The following DDX52 variants were observed in gnomAD, a reference collection of about 807,000 sequenced individuals.
DDX52 encodes the protein DExD-box helicase 52, also known as probable ATP-dependent RNA helicase DDX52.
In DDX52, 59 loss-of-function variants were observed where a neutral mutation model predicts 76.1. The ratio of observed to expected loss-of-function variants is 0.78; its 90% CI spans 0.63 to 0.96. The LOEUF is 0.96. DDX52 is among the 40% of genes least tolerant of loss of function. The pLI, the probability that DDX52 is intolerant of heterozygous loss-of-function variation, is 0.00. For missense variants in DDX52, 707 were observed against 703.9 expected, an observed-to-expected ratio of 1.00 and a Z score of -0.05; for synonymous variants, 231 against 244.1, an observed-to-expected ratio of 0.95 and a Z score of 0.50.
chr17:37,640,394 GT>G (rs2031130678), intron 2 of DDX52, among the ~76,000 whole-genome samples: 1 of 152,064 alleles, frequency 6.6e-6, no homozygotes, highest in Non-Finnish European at 1.5e-5. Context: ...AGTAGCAGAG[GT>G]TCCCAACAGA....
At position 37,632,144 on chromosome 17, in the gene DDX52, A is replaced by T. The variant is rs1262000570; in HGVS notation, c.572T>A (p.Ile191Asn). ...CATAACTGGGATGGCTTGCATTTGG[A>T]TTGGCGTAGGCATTTGGAAACCTGC... ...LDAGFQMPTP[I>N]QMQAIPVMLH... The change falls in exon 4 of 15, where the codon ATC becomes AAC. Residue 191 changes from isoleucine (I) to asparagine (N), a missense_variant. Transcript: ENST00000617633. The T allele has an allele frequency of 6.2e-7, 1 of 1,613,100 alleles. No homozygotes were observed. Among genetic ancestry groups the T allele is most frequent in the Admixed American group, 1.7e-5 (1 of 59,790 alleles).
intron 14 of DDX52, chr17:37,615,085 G>A (rs913588414): frequency 6.6e-6 from 1 of 152,262 alleles, no homozygotes; most frequent in African/African-American, 2.4e-5. Context: ...TAGGCAGCAA[G>A]GATTCAGGTT....
intron 14 of DDX52, among the ~76,000 whole-genome samples, chr17:37,617,020 T>C (rs1374336197): frequency 3.3e-5 from 5 of 152,188 alleles, no homozygotes; most frequent in Admixed American, 3.3e-4. Context: ...ACCACACCAA[T>C]TCACAATCAT....
At chr17:37,616,850 G>A (rs1260384791) in intron 14 of DDX52, among the ~76,000 whole-genome samples, 3 of 151,926 alleles carry the variant, frequency 2.0e-5, no homozygotes, top group African/African-American at 2.4e-5. Flanking sequence ...TATTTGAACC[G>A]ACTTTTATTC....
chr17:37,643,324 G>T lies in DDX52; in HGVS notation c.87+10C>A, dbSNP rs766218306. The T allele has an allele frequency of 6.2e-7, 1 of 1,612,766 alleles. No individual in the cohort carries two copies. The highest frequency in any genetic ancestry group is 1.1e-5 in the South Asian group (1 of 91,032). On this transcript the variant is annotated intron_variant, in intron 1 of 14. Transcript: ENST00000617633. ...CAGTTACTCGGCCCTCGGTCCCTTGGGCACAGTACCTGGAATCGAGCTGCG... is the reference window on the plus strand; with the variant it reads ...CAGTTACTCGGCCCTCGGTCCCTTGTGCACAGTACCTGGAATCGAGCTGCG...
chr17:37,626,844 A>G lies in DDX52; in HGVS notation c.876T>C (p.Thr292=). Residue 292 remains threonine (T), a synonymous_variant, in exon 7 of 15, where the codon ACT becomes ACC. Coordinates refer to ENST00000617633, the MANE Select transcript of DDX52 (RefSeq NM_007010.5). ...TTAATAAATAGATTAGTCGATTTGG[A>G]GTAGTCACAAGAATATCTATAGGAA... is the stretch of plus-strand genomic sequence containing the variant. ...SSKKFDILVT[T]PNRLIYLLKQ... The G allele has an allele frequency of 6.2e-7, 1 of 1,612,102 alleles. No homozygotes were observed.
chr17:37,622,371 G>A (rs1210310510), intron 9 of DDX52, among the ~76,000 whole-genome samples: 1 of 150,468 alleles, frequency 6.6e-6, no homozygotes, highest in Non-Finnish European at 1.5e-5. Context: ...TTGGCTCACT[G>A]CAACCTCTGC....
intron 1 of DDX52, 25 bp downstream of exon 1, chr17:37,643,309 G>A: frequency 1.9e-6 from 3 of 1,603,584 alleles, no homozygotes; most frequent in East Asian, 2.3e-5. Flanking sequence ...CAGTTACTCG[G>A]CCCTCGGTCC....
chr17:37,639,154 T>C (rs962534956), intron 2 of DDX52, among the ~76,000 whole-genome samples: 1 of 152,140 alleles, frequency 6.6e-6, no homozygotes, highest in Non-Finnish European at 1.5e-5. Flanking sequence ...TGGAAACATA[T>C]TTGTAAACAT....
chr17:37,627,359 G>A (rs563654850), intron 6 of DDX52, among the ~76,000 whole-genome samples: 1 of 152,148 alleles, frequency 6.6e-6, no homozygotes, highest in South Asian at 2.1e-4. Flanking sequence ...ACAGGCGCCC[G>A]CCACCACGCC....
At position 37,612,680 on chromosome 17, in the gene DDX52, T is replaced by C. The variant is rs2064381751; in HGVS notation, c.*1616A>G. 6.6e-6 allele frequency: 1 copy of C among 152,212 alleles called. No homozygotes were observed. Among genetic ancestry groups the C allele is most frequent in the Non-Finnish European group, 1.5e-5 (1 of 68,042 alleles). The allele number at this position is 152,212 out of a possible 1,614,324, so 9.4% of individuals were successfully genotyped here. ...CTCCTTTATCTCTAACATTACATTG[T>C]AAGGGTAAGGACTGTGTTATCAAGC... On this transcript the variant is annotated 3_prime_UTR_variant, in exon 15 of 15. Coordinates refer to ENST00000617633, the MANE Select transcript of DDX52 (RefSeq NM_007010.5).
intron 2 of DDX52, among the ~76,000 whole-genome samples, chr17:37,635,783 A>G (rs971287158): frequency 6.6e-6 from 1 of 152,144 alleles, no homozygotes; most frequent in Non-Finnish European, 1.5e-5. Flanking sequence ...GTCCCAAACT[A>G]TTTTCCAAAG....
At position 37,625,851 on chromosome 17, in the gene DDX52, TA is replaced by T. The variant is rs201448621; in HGVS notation, c.1136+43del. 1.3e-3 allele frequency: 1,896 copies of T among 1,444,954 alleles called. 1 individual carries two copies. Among genetic ancestry groups the T allele is most frequent in the Admixed American group, 1.7e-3 (93 of 54,882 alleles). 89.5% of individuals were successfully genotyped at this position (1,444,954 alleles called of 1,614,324 possible). ...TCAGTCTTTAAAAAAGACTTGTATT[TA>T]AAAAAAAAATCAGTGTGATAATGTT... On this transcript the variant is annotated intron_variant, in intron 8 of 14. Coordinates refer to ENST00000617633, the MANE Select transcript of DDX52 (RefSeq NM_007010.5).
chr17:37,617,335 T>C (rs1227364942), intron 14 of DDX52, among the ~76,000 whole-genome samples: 2 of 152,268 alleles, frequency 1.3e-5, no homozygotes, highest in Non-Finnish European at 2.9e-5. Flanking sequence ...AATTATAGAC[T>C]TGAACAATTC....
Position 37,610,288 on chromosome 17 carries a change from CAATT to C in DDX52, c.*4004_*4007del, listed in dbSNP as rs2064298745. ...ACAGGCATGCACCACCACACCGGGC[CAATT>C]TTTTTTTTTTTTTTTTTTTTTTTTT... On this transcript the variant is annotated 3_prime_UTR_variant, in exon 15 of 15. Coordinates refer to ENST00000617633, the MANE Select transcript of DDX52 (RefSeq NM_007010.5). The C allele has an allele frequency of 7.7e-6, 1 of 129,134 alleles. No homozygotes were observed. Among genetic ancestry groups the C allele is most frequent in the Non-Finnish European group, 1.6e-5 (1 of 63,734 alleles). The allele number at this position is 129,134 out of a possible 1,614,324, so 8.0% of individuals were successfully genotyped here.
chr17:37,622,233 C>A (rs2030137035), intron 9 of DDX52, among the ~76,000 whole-genome samples: 1 of 151,994 alleles, frequency 6.6e-6, no homozygotes, highest in Non-Finnish European at 1.5e-5. Context: ...CACTATCAAA[C>A]CCTTACTCTC....
rs1269606160 is a variant in DDX52, at chr17:37,609,846, A to AGT, written c.*4448_*4449dup. On this transcript the variant is annotated 3_prime_UTR_variant, in exon 15 of 15. Coordinates refer to ENST00000617633, the MANE Select transcript of DDX52 (RefSeq NM_007010.5). ...CTTTGATAGTCTCGCAGCACTGATG[A>AGT]GTGATCAGCTCTCCCCTCTTTCTCT... The AGT allele has an allele frequency of 6.5e-6, 1 of 152,944 alleles. No individual in the cohort carries two copies. The highest frequency in any genetic ancestry group is 2.4e-5 in the African/African-American group (1 of 41,474). The allele number at this position is 152,944 out of a possible 1,614,324, so 9.5% of individuals were successfully genotyped here. A position where few individuals can be genotyped will look rare whatever the true frequency, so the allele number is the denominator to read the frequency against.
chr17:37,627,900 T>C (rs1483560603), intron 6 of DDX52, among the ~76,000 whole-genome samples: 1 of 151,946 alleles, frequency 6.6e-6, no homozygotes, highest in East Asian at 1.9e-4. Context: ...CCCAAGTAGC[T>C]AGGACTACAG....
rs2064383840 is a variant in DDX52, at chr17:37,612,882, T to C, written c.*1414A>G. 1.3e-5 allele frequency: 2 copies of C among 152,226 alleles called. No individual in the cohort carries two copies. Among genetic ancestry groups the C allele is most frequent in the South Asian group, 2.1e-4 (1 of 4,838 alleles). The allele number at this position is 152,226 out of a possible 1,614,324, so 9.4% of individuals were successfully genotyped here. Reference sequence around the variant, plus strand: ...AGCTGGCAAATGGGTTGCACCAGTATACCTACCTCCAGAATATATATTGGG... The same window carrying C: ...AGCTGGCAAATGGGTTGCACCAGTACACCTACCTCCAGAATATATATTGGG... On this transcript the variant is annotated 3_prime_UTR_variant, in exon 15 of 15. Transcript: ENST00000617633.
Sources: gnomAD v4.1 joint callset for allele counts (sites outside exome capture counted in the v4.1 genomes callset) on GRCh38, gnomAD v4.1.1 for gene constraint, MANE v1.5 for transcripts, NCBI Gene and HGNC (gene_info 2026-07-23, HGNC 2026-07-21) for gene names.